Variants in MTHFD2L observed in about 807,000 individuals in gnomAD.
MTHFD2L encodes the protein methylenetetrahydrofolate dehydrogenase (NADP+ dependent) 2 like, also known as bifunctional methylenetetrahydrofolate dehydrogenase/cyclohydrolase 2, mitochondrial.
In MTHFD2L, 29 loss-of-function variants were observed where a neutral mutation model predicts 34.9. That is an observed-to-expected ratio of 0.83 (90% CI 0.62 to 1.13). The LOEUF is 1.13. MTHFD2L is among the 50% of genes most tolerant of loss of function. The pLI is 0.00. For missense variants in MTHFD2L, 481 were observed against 446.5 expected, an observed-to-expected ratio of 1.08 and a Z score of -0.70; for synonymous variants, 167 against 155.7, an observed-to-expected ratio of 1.07 and a Z score of -0.54.
chr4:74,211,425 G>A (rs535396977), intron 5 of MTHFD2L, among the ~76,000 whole-genome samples: 22 of 152,172 alleles, frequency 1.4e-4, no homozygotes, highest in African/African-American at 2.4e-4. Context: ...GGCCTTTTCC[G>A]CATCTATTGA....
chr4:74,241,388 T>C (rs1741687511), intron 6 of MTHFD2L, among the ~76,000 whole-genome samples: 1 of 152,090 alleles, frequency 6.6e-6, no homozygotes, highest in Non-Finnish European at 1.5e-5. Flanking sequence ...AATATCATTA[T>C]TTAATTTTTA....
intron 6 of MTHFD2L, among the ~76,000 whole-genome samples, chr4:74,245,712 G>A (rs1444269689): frequency 6.6e-6 from 1 of 152,026 alleles, no homozygotes; most frequent in East Asian, 1.9e-4. Flanking sequence ...CCATCTATGA[G>A]TGAGAACACG....
At chr4:74,295,288 A>G (rs1478825369) in intron 7 of MTHFD2L, among the ~76,000 whole-genome samples, 2 of 151,854 alleles carry the variant, frequency 1.3e-5, no homozygotes, top group Non-Finnish European at 2.9e-5. Flanking sequence ...GTCAGATCCA[A>G]CCCACCTTTG....
intron 6 of MTHFD2L, among the ~76,000 whole-genome samples, chr4:74,230,901 A>T (rs1237042634): frequency 6.6e-6 from 1 of 152,134 alleles, no homozygotes; most frequent in African/African-American, 2.4e-5. Context: ...GTTTTTTTAG[A>T]CATTGTCCAC....
At chr4:74,191,378 T>C (rs1732476327) in intron 3 of MTHFD2L, among the ~76,000 whole-genome samples, 1 of 149,254 alleles carries the variant, frequency 6.7e-6, no homozygotes. Context: ...TTTTTTTTCA[T>C]GTCCAGAAAG....
intron 5 of MTHFD2L, among the ~76,000 whole-genome samples, chr4:74,221,734 A>G (rs1738223919): frequency 6.6e-6 from 1 of 151,450 alleles, no homozygotes. Flanking sequence ...GGAAATTTAT[A>G]TTTGTTTTTA....
At chr4:74,206,764 A>AG (rs1175613254) in intron 5 of MTHFD2L, among the ~76,000 whole-genome samples, 1 of 152,176 alleles carries the variant, frequency 6.6e-6, no homozygotes, top group Non-Finnish European at 1.5e-5. Flanking sequence ...ACAATGAGGA[A>AG]GTAAAGTTTC....
chr4:74,162,204 G>A (rs952580533), intron 1 of MTHFD2L: 2 of 152,118 alleles, frequency 1.3e-5, no homozygotes, highest in Non-Finnish European at 2.9e-5. Flanking sequence ...GTTTTTATTA[G>A]CATTTCAATG....
chr4:74,127,425 G>A (rs1439666293), intron 1 of MTHFD2L, among the ~76,000 whole-genome samples: 1 of 151,994 alleles, frequency 6.6e-6, no homozygotes, highest in East Asian at 1.9e-4. Flanking sequence ...TCTTGGCCTT[G>A]GTAACCATCA....
chr4:74,132,289 G>A, intron 1 of MTHFD2L, among the ~76,000 whole-genome samples: 1 of 152,018 alleles, frequency 6.6e-6, no homozygotes, highest in Middle Eastern at 3.2e-3. Context: ...CACATGCACA[G>A]GTATGTTTCT....
intron 2 of MTHFD2L, among the ~76,000 whole-genome samples, chr4:74,115,194 G>C (rs936776006): frequency 1.7e-4 from 26 of 152,180 alleles, no homozygotes; most frequent in African/African-American, 6.3e-4. Flanking sequence ...CTACTATTCT[G>C]TTACTCTAAT....
intron 3 of MTHFD2L, chr4:74,181,000 A>G (rs1730060061): frequency 6.4e-6 from 1 of 156,596 alleles, no homozygotes; most frequent in African/African-American, 2.4e-5. Context: ...TTTTTGGAGT[A>G]TGTATCTTTG....
intron 6 of MTHFD2L, among the ~76,000 whole-genome samples, chr4:74,268,709 A>T (rs777246851): frequency 3.3e-5 from 5 of 152,034 alleles, no homozygotes; most frequent in African/African-American, 7.2e-5. Context: ...GAAGTGATTA[A>T]TTTTTTTTAA....
intron 3 of MTHFD2L, among the ~76,000 whole-genome samples, chr4:74,196,816 C>G (rs1479884161): frequency 6.6e-6 from 1 of 151,886 alleles, no homozygotes; most frequent in Non-Finnish European, 1.5e-5. Context: ...CATGGTGGCA[C>G]ATGCCTATAG....
chr4:74,247,832 A>G (rs1052405837), intron 6 of MTHFD2L, among the ~76,000 whole-genome samples: 1 of 152,120 alleles, frequency 6.6e-6, no homozygotes, highest in Non-Finnish European at 1.5e-5. Flanking sequence ...GATGAAGCCC[A>G]CTTGATCATG....
chr4:74,138,425 C>T (rs1034709893), intron 1 of MTHFD2L, among the ~76,000 whole-genome samples: 3 of 152,108 alleles, frequency 2.0e-5, no homozygotes, highest in Non-Finnish European at 4.4e-5. Flanking sequence ...CTCACGGATT[C>T]CAAGGAATGG....
chr4:74,288,257 A>G (rs1748446864), intron 7 of MTHFD2L: 1 of 152,208 alleles, frequency 6.6e-6, no homozygotes, highest in African/African-American at 2.4e-5. Context: ...CCTTATCCAC[A>G]TGGTTGAAGT....
chr4:74,250,754 T>G (rs1382428389), intron 6 of MTHFD2L, among the ~76,000 whole-genome samples: 1 of 152,180 alleles, frequency 6.6e-6, no homozygotes, highest in Non-Finnish European at 1.5e-5. Context: ...CTTCTCTTGC[T>G]TCAACCCCTT....
intron 6 of MTHFD2L, among the ~76,000 whole-genome samples, chr4:74,277,519 A>G (rs988960096): frequency 1.3e-5 from 2 of 152,066 alleles, no homozygotes; most frequent in African/African-American, 4.8e-5. Context: ...AGCCAAGGTC[A>G]TCTGGGGATT....
Sources: gnomAD v4.1 joint callset for allele counts (sites outside exome capture counted in the v4.1 genomes callset) on GRCh38, gnomAD v4.1.1 for gene constraint, MANE v1.5 for transcripts, NCBI Gene and HGNC (gene_info 2026-07-23, HGNC 2026-07-21) for gene names.